The following RARS2 variants were observed in gnomAD, a reference collection of about 807,000 sequenced individuals.
The protein encoded by RARS2 is probable arginine--tRNA ligase, mitochondrial.
A neutral mutation model predicts 88.5 loss-of-function variants in RARS2; 67 were observed. The ratio of observed to expected loss-of-function variants is 0.76; its 90% confidence interval spans 0.62 to 0.93. The LOEUF (loss-of-function observed/expected upper bound fraction) is 0.93. Among genes scored for constraint, RARS2 ranks in the 40% least tolerant of loss-of-function variants. The pLI is 0.00. For synonymous variants in RARS2, 239 were observed against 230.3 expected (o/e 1.04, Z -0.34); for missense variants, 664 against 684.2 (o/e 0.97, Z 0.33).
Position 87,560,812 on chromosome 6 carries a change from C to A in RARS2, c.297+1890G>T, listed in dbSNP as rs189066050. Among the ~76,000 whole-genome samples, 348 of 152,228 alleles carry A rather than the reference C, an allele frequency of 2.3e-3. 1 individual carries two copies. The highest frequency in any genetic ancestry group is 8.0e-3 in the African/African-American group (333 of 41,540). ...CAGAGGCAGGAGAATCGCTTGAACC[C>A]GGGAGGTGGAGGTTACGGTAAGCAA... On this transcript the variant is annotated intron_variant, in intron 4 of 19. Transcript: ENST00000369536.
rs1562079295 is a variant in RARS2, at chr6:87,524,511, GCAACAGATTTAGAACCAAATGTTGAC to G, written c.974+20_974+45del. The G allele has an allele frequency of 7.2e-7, 1 of 1,390,968 alleles. No individual in the cohort carries two copies. Among genetic ancestry groups the G allele is most frequent in the Admixed American group, 1.7e-5 (1 of 59,736 alleles). 86.2% of individuals were successfully genotyped at this position (1,390,968 alleles called of 1,614,324 possible). ...ATTGTACATAGTGTTTCATCTGAAA[GCAACAGATTTAGAACCAAATGTTGAC>G]CCTCACAGAGGCTACAAACCTGGTT... On this transcript the variant is annotated intron_variant, in intron 11 of 19. Coordinates refer to ENST00000369536, the MANE Select transcript of RARS2 (RefSeq NM_020320.5).
Position 87,519,679 on chromosome 6 carries a change from G to A in RARS2, c.1141C>T (p.Gln381Ter). Residue 381 changes from glutamine (Q) to a stop codon, truncating the protein, a stop_gained, in exon 14 of 20, where the codon CAG (glutamine) becomes TAG (stop). Transcript: ENST00000369536. LOFTEE classifies it high-confidence loss of function. ...TCTCCTCTTCGAGTCTTCATTCCCTGTACTACTCCAAAGGGCACGTGCTGG... is the reference window on the plus strand; with the variant it reads ...TCTCCTCTTCGAGTCTTCATTCCCTATACTACTCCAAAGGGCACGTGCTGG... Reference protein sequence around the residue: ...RCQHVPFGVVQGMKTRRGDVT... With the variant: ...RCQHVPFGVV 1 of 1,613,728 alleles carries A rather than the reference G, an allele frequency of 6.2e-7. No individual in the cohort carries two copies.
At chr6:87,581,578 G>C (rs1360591473) in intron 1 of RARS2, among the ~76,000 whole-genome samples, 3 of 152,168 alleles carry the variant, frequency 2.0e-5, no homozygotes, top group Non-Finnish European at 4.4e-5. Flanking sequence ...GGCAAATTAT[G>C]ACTATAATAA....
intron 19 of RARS2, 71 bp downstream of exon 19, chr6:87,514,886 T>C: frequency 1.3e-5 from 17 of 1,319,336 alleles, no homozygotes; most frequent in Non-Finnish European, 1.9e-5. Flanking sequence ...TTAGAAAAAT[T>C]TACAAGACTG....
At chr6:87,570,607 A>G (rs1769358849) in intron 1 of RARS2, among the ~76,000 whole-genome samples, 1 of 152,036 alleles carries the variant, frequency 6.6e-6, no homozygotes, top group South Asian at 2.1e-4. Context: ...TTTAGTAGAG[A>G]CGGGGCCTTG....
At position 87,532,289 on chromosome 6, in the gene RARS2, T is replaced by G. The variant is rs182332326; in HGVS notation, c.613-1347A>C. 2.3e-4 allele frequency among the ~76,000 whole-genome samples: 35 copies of G among 152,338 alleles called. No individual in the cohort carries two copies. The East Asian group carries it at 6.4e-3, about 28-fold the overall frequency. On this transcript the variant is annotated intron_variant, in intron 8 of 19. Transcript: ENST00000369536. ...TATTTAAAACATCCTGCTTGCAAGG[T>G]TGGCCACTGGCTGGCATCTATTAAC...
In RARS2 at chr6:87,518,733, T is replaced by A. The variant is rs1419422047; in HGVS notation, c.1312A>T (p.Lys438Ter). The change falls in exon 16 of 20, where the codon AAA (lysine) becomes TAA (stop). Residue 438 changes from lysine to a stop codon, truncating the protein, a stop_gained. Transcript: ENST00000369536. LOFTEE classifies it high-confidence loss of function. ...GLAALIIQDF[K>*]GLLLSDYKFS... ...TTGTAGTCAGATAAGAGTAAACCTT[T>A]GAAGTCCTAAAACGACAGAGGAAAT... The A allele has an allele frequency of 1.2e-6, 2 of 1,613,888 alleles. No homozygotes were observed. Among genetic ancestry groups the A allele is most frequent in the African/African-American group, 2.7e-5 (2 of 74,922 alleles).
intron 2 of RARS2, among the ~76,000 whole-genome samples, chr6:87,567,833 G>A (rs1374178479): frequency 4.6e-5 from 7 of 152,230 alleles, no homozygotes; most frequent in African/African-American, 1.4e-4. Context: ...GTGCAGTGGC[G>A]AGATCTCGGC....
intron 10 of RARS2, among the ~76,000 whole-genome samples, chr6:87,527,221 T>C (rs1167905604): frequency 6.6e-6 from 1 of 151,558 alleles, no homozygotes; most frequent in African/African-American, 2.4e-5. Flanking sequence ...AGGCAGGAGA[T>C]TCGCTTGAAC....
chr6:87,516,485 T>G (rs765504331), intron 18 of RARS2, among the ~76,000 whole-genome samples: 10 of 152,154 alleles, frequency 6.6e-5, no homozygotes, highest in Admixed American at 3.9e-4. Context: ...AATATCTCCT[T>G]TCCTCTGAGA....
intron 10 of RARS2, among the ~76,000 whole-genome samples, chr6:87,525,017 A>G (rs1775199400): frequency 6.6e-6 from 1 of 152,194 alleles, no homozygotes; most frequent in Non-Finnish European, 1.5e-5. Context: ...TATTGGGATA[A>G]TTTTTAACAT....
chr6:87,530,617 A>T (rs1486388765), intron 9 of RARS2, among the ~76,000 whole-genome samples, 167 bp downstream of exon 9: 1 of 152,202 alleles, frequency 6.6e-6, no homozygotes, highest in Non-Finnish European at 1.5e-5. Context: ...CTGCTTCAGG[A>T]TTATTTTGCA....
intron 1 of RARS2, among the ~76,000 whole-genome samples, chr6:87,576,803 C>T (rs1164026158): frequency 2.0e-5 from 3 of 152,016 alleles, no homozygotes; most frequent in Admixed American, 1.3e-4. Flanking sequence ...ACAGAAAATT[C>T]AACACAGATG....
At chr6:87,568,742 T>C (rs1163698381) in intron 2 of RARS2, among the ~76,000 whole-genome samples, 1 of 152,216 alleles carries the variant, frequency 6.6e-6, no homozygotes, top group African/African-American at 2.4e-5. Flanking sequence ...CTTACTTCTT[T>C]GTTCTATTCT....
intron 16 of RARS2, 32 bp downstream of exon 16, chr6:87,518,588 AAGCACAGTGC>A (rs751624778): frequency 1.3e-6 from 2 of 1,557,342 alleles, no homozygotes; most frequent in South Asian, 2.2e-5. Context: ...TAGCCTAAGT[AAGCACAGTGC>A]AGCACAAGGT....
rs534259505 is a variant in RARS2, at chr6:87,529,409, TG to T, written c.878+132del. 6.0e-4 allele frequency: 412 copies of T among 692,222 alleles called. No homozygotes were observed. In the African/African-American group the frequency reaches 6.7e-3, roughly 11 times the overall value. 42.9% of individuals were successfully genotyped at this position (692,222 alleles called of 1,614,324 possible). ...AAATACAGAATGTGGGAAAGTACTCTGAACAGGAAAAAGCACTATAAAAAAT... is the reference window on the plus strand; with the variant it reads ...AAATACAGAATGTGGGAAAGTACTCTAACAGGAAAAAGCACTATAAAAAAT... On this transcript the variant is annotated intron_variant, in intron 10 of 19. Transcript: ENST00000369536.
intron 1 of RARS2, among the ~76,000 whole-genome samples, chr6:87,578,107 ACC>A (rs796269641): frequency 3.1e-4 from 42 of 133,574 alleles, no homozygotes; most frequent in African/African-American, 1.2e-3. Context: ...ACATAGCGAG[ACC>A]CCCCCCCCCG....
At chr6:87,559,463 CAAAAAAAAAAA>C (rs753856335) in intron 4 of RARS2, among the ~76,000 whole-genome samples, 18 of 93,282 alleles carry the variant, frequency 1.9e-4, no homozygotes, top group African/African-American at 3.4e-4. Flanking sequence ...AACTCTGTCT[CAAAAAAAAAAA>C]AAAAAAAAAA....
chr6:87,554,933 T>C (rs79963122), intron 5 of RARS2, among the ~76,000 whole-genome samples: 2 of 151,914 alleles, frequency 1.3e-5, no homozygotes, highest in Non-Finnish European at 1.5e-5. Context: ...AAACCCTGTC[T>C]CTACTAAAAA....
Sources: allele counts gnomAD v4.1 joint callset (sites outside exome capture counted in the v4.1 genomes callset), GRCh38; gene constraint gnomAD v4.1.1; transcripts MANE v1.5; gene names NCBI Gene and HGNC (gene_info 2026-07-23, HGNC 2026-07-21).